The following DTX4 variants were observed in gnomAD, a reference collection of about 807,000 sequenced individuals.
DTX4 encodes the protein deltex E3 ubiquitin ligase 4.
Under a neutral mutation model 57.6 loss-of-function variants are expected in DTX4, and 28 were observed. That is an observed-to-expected ratio of 0.49 (90% CI 0.36 to 0.67). The LOEUF is 0.67. DTX4 is among the 30% of genes least tolerant of loss of function. The pLI is 0.00. For missense variants in DTX4, 715 were observed against 836.8 expected (o/e 0.85, Z 1.80); for synonymous variants, 316 against 331.0 (o/e 0.95, Z 0.49).
chr11:59,183,708 G>A (rs1862494052), intron 2 of DTX4, among the ~76,000 whole-genome samples: 1 of 152,186 alleles, frequency 6.6e-6, no homozygotes, highest in South Asian at 2.1e-4. Flanking sequence ...ATGAAGGAGG[G>A]TACACCACAG....
Position 59,205,956 on chromosome 11 carries a change from C to T in DTX4, c.*1047C>T, listed in dbSNP as rs1392644309. On this transcript the variant is annotated 3_prime_UTR_variant, in exon 9 of 9. Transcript: ENST00000227451. ...TTCTGATGGGGCTCCAACAGCCAGG[C>T]TGTGGTCCTTTGACGTTCCTCACCT... 6.6e-6 allele frequency: 1 copy of T among 152,568 alleles called. No individual in the cohort carries two copies. The highest frequency in any genetic ancestry group is 2.1e-4 in the South Asian group (1 of 4,834). 9.5% of individuals were successfully genotyped at this position (152,568 alleles called of 1,614,324 possible). A position where few individuals can be genotyped will look rare whatever the true frequency, so the allele number is the denominator to read the frequency against.
chr11:59,192,645 C>T (rs1246606928), intron 6 of DTX4, among the ~76,000 whole-genome samples: 2 of 152,182 alleles, frequency 1.3e-5, no homozygotes, highest in African/African-American at 4.8e-5. Context: ...TTCGTTCATA[C>T]CATTGTAAAT....
chr11:59,171,820 G>T (rs1293262125), upstream of DTX4, among the ~76,000 whole-genome samples: 1 of 152,000 alleles, frequency 6.6e-6, no homozygotes, highest in Admixed American at 6.5e-5. Context: ...CACTGATCAT[G>T]CTGCATTAAG....
At chr11:59,171,808 G>T (rs1862326847), upstream of DTX4, among the ~76,000 whole-genome samples, 2 of 152,096 alleles carry the variant, frequency 1.3e-5, no homozygotes. Context: ...TCGCGCTGCG[G>T]ACACTGATCA....
chr11:59,194,363 A>G (rs1009517592), intron 6 of DTX4, among the ~76,000 whole-genome samples: 6 of 152,098 alleles, frequency 3.9e-5, no homozygotes, highest in African/African-American at 1.4e-4. Flanking sequence ...CAGACCTTAC[A>G]CTCTATCCTT....
At chr11:59,179,424 C>A (rs1345273814) in intron 1 of DTX4, among the ~76,000 whole-genome samples, 1 of 152,214 alleles carries the variant, frequency 6.6e-6, no homozygotes, top group Non-Finnish European at 1.5e-5. Flanking sequence ...GTACCCTTTC[C>A]CAATTGATTC....
chr11:59,172,599 C>T lies in DTX4; in HGVS notation c.4C>T (p.Leu2Phe). Residue 2 changes from leucine to phenylalanine, a missense_variant, in exon 1 of 9, where the codon CTC becomes TTC. Leu to Phe is a conservative substitution (Grantham distance 22). Coordinates refer to ENST00000227451, the MANE Select transcript of DTX4 (RefSeq NM_015177.2). Reference protein sequence around the residue: MLLASAVVVWEW... With the variant: MFLASAVVVWEW... Reference sequence around the variant, plus strand: ...GCGCCGCAGCCCCGGGCTCGCCATGCTCCTGGCCTCGGCCGTGGTGGTCTG... The same window carrying T: ...GCGCCGCAGCCCCGGGCTCGCCATGTTCCTGGCCTCGGCCGTGGTGGTCTG... 1.3e-6 allele frequency: 2 copies of T among 1,534,264 alleles called. No homozygotes were observed. The highest frequency in any genetic ancestry group is 1.4e-5 in the African/African-American group (1 of 70,878).
At chr11:59,176,832 C>T (rs12287280) in intron 1 of DTX4, among the ~76,000 whole-genome samples, 3,440 of 152,308 alleles carry the variant, frequency 0.023, 140 homozygotes, top group African/African-American at 0.079. Context: ...CCTACTGGAG[C>T]CCCTTTCCTT....
rs76717790 is a variant in DTX4 at position 59,191,042 on chromosome 11, T to C, written c.1160-72T>C. Reference sequence around the variant, plus strand: ...TGCCTGATAACGTCCCCCTCTACCATGTCTAGCACGACAAGGCTGTTTGAT... The same window carrying C: ...TGCCTGATAACGTCCCCCTCTACCACGTCTAGCACGACAAGGCTGTTTGAT... On this transcript the variant is annotated intron_variant, in intron 4 of 8. Coordinates refer to ENST00000227451, the MANE Select transcript of DTX4 (RefSeq NM_015177.2). 3,797 of 1,441,362 alleles carry C rather than the reference T, an allele frequency of 2.6e-3. 73 individuals are homozygous for C. The African/African-American group carries it at 0.044, about 17-fold the overall frequency. 89.3% of individuals were successfully genotyped at this position (1,441,362 alleles called of 1,614,324 possible). A position where few individuals can be genotyped will look rare whatever the true frequency, so the allele number is the denominator to read the frequency against.
chr11:59,182,386 G>A lies in DTX4; in HGVS notation c.859G>A (p.Val287Met), dbSNP rs776581480. 1 of 1,613,730 alleles carries A rather than the reference G, an allele frequency of 6.2e-7. No homozygotes were observed. Among genetic ancestry groups the A allele is most frequent in the Non-Finnish European group, 8.5e-7 (1 of 1,179,824 alleles). ...PPGPNSKTGR[V>M]ALATLNRTNL... ...AGGACCCAACAGCAAGACCGGAAGG[G>A]TGGCCCTGGCCACCTTGAATCGTAC... is the stretch of plus-strand genomic sequence containing the variant. Residue 287 changes from valine to methionine, a missense_variant, in exon 2 of 9, where the codon GTG becomes ATG. By Grantham distance (21) the Val-to-Met change is conservative. Transcript: ENST00000227451.
chr11:59,177,238 G>T (rs998140958), intron 1 of DTX4, among the ~76,000 whole-genome samples: 1 of 152,164 alleles, frequency 6.6e-6, no homozygotes, highest in Non-Finnish European at 1.5e-5. Context: ...CCATTCACAT[G>T]CAGATTCCCA....
chr11:59,180,848 GA>G (rs778930761), intron 1 of DTX4, among the ~76,000 whole-genome samples: 11 of 152,230 alleles, frequency 7.2e-5, no homozygotes, highest in Admixed American at 4.6e-4. Context: ...GTGAGACTCT[GA>G]AAATTAAGAC....
chr11:59,171,959 A>G (rs988705474), upstream of DTX4, among the ~76,000 whole-genome samples: 1 of 152,056 alleles, frequency 6.6e-6, no homozygotes, highest in African/African-American at 2.4e-5. Context: ...GGAACCAGGG[A>G]AACACACGCG....
intron 2 of DTX4, among the ~76,000 whole-genome samples, chr11:59,185,758 C>T (rs532190735): frequency 2.8e-4 from 43 of 152,252 alleles, no homozygotes; most frequent in Middle Eastern, 3.4e-3. Context: ...GAGCAGAAAA[C>T]GTCTTTATTC....
chr11:59,187,509 C>G (rs1260734431), intron 2 of DTX4, among the ~76,000 whole-genome samples: 1 of 152,238 alleles, frequency 6.6e-6, no homozygotes, highest in Non-Finnish European at 1.5e-5. Flanking sequence ...GAATAGCAAA[C>G]AACACAAAGT....
chr11:59,186,302 C>A (rs11229868), intron 2 of DTX4, among the ~76,000 whole-genome samples: 13,608 of 152,150 alleles, frequency 0.089, 884 homozygotes, highest in East Asian at 0.28. Context: ...TGGATTATTT[C>A]CTGGTTGGCC....
intron 2 of DTX4, among the ~76,000 whole-genome samples, chr11:59,187,414 G>C (rs566415493): frequency 6.6e-6 from 1 of 152,282 alleles, no homozygotes; most frequent in Admixed American, 6.5e-5. Context: ...TTGGGGGGAG[G>C]TGAGCTCTGT....
Position 59,189,044 on chromosome 11 carries a change from G to T in DTX4, c.998-118G>T, listed in dbSNP as rs115980384. 1,196 of 1,274,554 alleles carry T rather than the reference G, an allele frequency of 9.4e-4. 14 individuals carry two copies. The African/African-American group carries it at 0.016, about 17-fold the overall frequency. 79.0% of individuals were successfully genotyped at this position (1,274,554 alleles called of 1,614,324 possible). On this transcript the variant is annotated intron_variant, in intron 3 of 8. Transcript: ENST00000227451. ...GGAAAGTACAGGGTAGAGAATCCAG[G>T]AATTATGAGAACTTTCTGCTGGAAA...
At chr11:59,201,105 A>T (rs1391951878) in intron 8 of DTX4, among the ~76,000 whole-genome samples, 2 of 152,172 alleles carry the variant, frequency 1.3e-5, no homozygotes, top group Non-Finnish European at 2.9e-5. Flanking sequence ...GGACTTGTTC[A>T]TATGAACCCA....
Sources: allele counts gnomAD v4.1 joint callset (sites outside exome capture counted in the v4.1 genomes callset), GRCh38; gene constraint gnomAD v4.1.1; transcripts MANE v1.5; gene names NCBI Gene and HGNC (gene_info 2026-07-23, HGNC 2026-07-21).